ABI2: variants seen among roughly 807,000 people sequenced by gnomAD.
ABI2 encodes the protein abelson interactor 2.
In ABI2, 25 loss-of-function variants were observed where a neutral mutation model predicts 59.2. That is an observed-to-expected ratio of 0.42 (90% confidence interval 0.31 to 0.59). The LOEUF is 0.59. Ranked by LOEUF, ABI2 falls within the 20% of genes least tolerant of loss-of-function variation. The pLI is 0.14. For missense variants in ABI2, 545 were observed against 681.8 expected (o/e 0.80, Z 2.23); for synonymous variants, 213 against 235.5 (o/e 0.90, Z 0.87).
chr2:203,422,046 AGCACTTTAAGAGGCTGAGGCCGGC>A (rs1295267810), intron 11 of ABI2, among the ~76,000 whole-genome samples: 1 of 152,026 alleles, frequency 6.6e-6, no homozygotes, highest in African/African-American at 2.4e-5. Flanking sequence ...AGTGCTGTAA[AGCACTTTAAGAGGCTGAGGCCGGC>A]GGATTGCTTG....
intron 1 of ABI2, among the ~76,000 whole-genome samples, chr2:203,332,839 T>C (rs2074489810): frequency 6.6e-6 from 1 of 152,320 alleles, no homozygotes; most frequent in African/African-American, 2.4e-5. Flanking sequence ...TTTTTCTTTT[T>C]GTTAGATAAA....
intron 1 of ABI2, among the ~76,000 whole-genome samples, chr2:203,364,490 C>G (rs575103267): frequency 2.0e-5 from 3 of 152,114 alleles, no homozygotes; most frequent in African/African-American, 7.2e-5. Context: ...CTGACTTATC[C>G]GTAGAGCAGA....
At chr2:203,338,924 G>GTATATATATATATATATATATATA (rs2077725492) in intron 1 of ABI2, among the ~76,000 whole-genome samples, 1 of 89,248 alleles carries the variant, frequency 1.1e-5, no homozygotes, top group African/African-American at 6.8e-5. Context: ...GTGTGTGTGT[G>GTATATATATATATATATATATATA]TGTGTATATG....
chr2:203,371,023 C>G (rs1315600468), intron 2 of ABI2, among the ~76,000 whole-genome samples: 2 of 152,206 alleles, frequency 1.3e-5, no homozygotes, highest in Non-Finnish European at 2.9e-5. Flanking sequence ...AGGCTTTACC[C>G]TGACTCTTCT....
At chr2:203,390,475 A>G (rs2096701120) in intron 4 of ABI2, among the ~76,000 whole-genome samples, 1 of 152,134 alleles carries the variant, frequency 6.6e-6, no homozygotes, top group Non-Finnish European at 1.5e-5. Context: ...CTACTAAAAT[A>G]CAAAAAATTA....
chr2:203,413,431 A>G (rs538904834), intron 10 of ABI2, among the ~76,000 whole-genome samples: 1 of 152,344 alleles, frequency 6.6e-6, no homozygotes, highest in Admixed American at 6.5e-5. Context: ...TCACTTTAAG[A>G]CTTAGGAATG....
intron 10 of ABI2, among the ~76,000 whole-genome samples, chr2:203,412,697 A>G (rs547254089): frequency 1.3e-5 from 2 of 152,272 alleles, no homozygotes; most frequent in South Asian, 4.2e-4. Flanking sequence ...GCTCGAGGAG[A>G]AAACTGCCTC....
At chr2:203,370,166 C>T (rs766459773) in intron 2 of ABI2, among the ~76,000 whole-genome samples, 2 of 144,554 alleles carry the variant, frequency 1.4e-5, no homozygotes, top group Non-Finnish European at 3.0e-5. Context: ...TTGTGGGCTA[C>T]GTATGGTGTC....
At chr2:203,418,018 T>G (rs2097982124) in intron 11 of ABI2, among the ~76,000 whole-genome samples, 1 of 152,078 alleles carries the variant, frequency 6.6e-6, no homozygotes, top group South Asian at 2.1e-4. Flanking sequence ...AAACACATGC[T>G]GCAGAAGAAA....
intron 1 of ABI2, among the ~76,000 whole-genome samples, chr2:203,349,648 G>A (rs1028826465): frequency 2.0e-5 from 3 of 151,216 alleles, no homozygotes; most frequent in East Asian, 3.9e-4. Context: ...CAGGTGATCC[G>A]CCTGCCTTGG....
rs540901742 is a variant in ABI2, at chr2:203,431,970, G to A, written c.*4618G>A. On this transcript the variant is annotated 3_prime_UTR_variant, in exon 12 of 12. Transcript: ENST00000261018. The stretch of plus-strand genomic sequence containing the variant: ...CCAGTTGTACTTTTAGCTCCCAGAG[G>A]GAGAGTTGGTGGTATTATGAGTTGA... 2 of 152,250 alleles carry A rather than the reference G, an allele frequency of 1.3e-5. No individual in the cohort carries two copies. The highest frequency in any genetic ancestry group is 4.2e-4 in the South Asian group (2 of 4,814). The allele number at this position is 152,250 out of a possible 1,614,324, so 9.4% of individuals were successfully genotyped here.
chr2:203,417,715 G>A (rs2097959641), intron 11 of ABI2, among the ~76,000 whole-genome samples: 1 of 152,282 alleles, frequency 6.6e-6, no homozygotes, highest in East Asian at 1.9e-4. Context: ...ATCACTTGGA[G>A]AGCTTTTATA....
At chr2:203,388,522 A>C (rs2096620539) in intron 4 of ABI2, among the ~76,000 whole-genome samples, 1 of 151,882 alleles carries the variant, frequency 6.6e-6, no homozygotes, top group Admixed American at 6.6e-5. Flanking sequence ...ATCTCTACTA[A>C]AAATACAAAA....
intron 11 of ABI2, among the ~76,000 whole-genome samples, chr2:203,424,851 G>A (rs1277045043): frequency 1.3e-5 from 2 of 152,084 alleles, no homozygotes; most frequent in Non-Finnish European, 2.9e-5. Context: ...CATGTTAAGT[G>A]TAAATTCTAT....
rs148405849 is a variant in ABI2, at chr2:203,394,801, G to C, written c.680G>C (p.Ser227Thr). The C allele has an allele frequency of 1.4e-5, 22 of 1,614,162 alleles. No homozygotes were observed. The highest frequency in any genetic ancestry group is 1.7e-5 in the Admixed American group (1 of 60,022). The stretch of plus-strand genomic sequence containing the variant: ...CGTAATATGGCTCCCTCGCAGCAGA[G>C]CCCTGTGAGGACAGCTTCTGTGAAT... ...PTRNMAPSQQ[S>T]PVRTASVNQR... The change falls in exon 6 of 12, where the codon AGC becomes ACC. Residue 227 changes from serine (S) to threonine (T), a missense_variant. By Grantham distance (58) the Ser-to-Thr change is moderately conservative. This residue lies in a region of ABI2 where 410 missense variants were observed against 435.6 expected (regional missense o/e 0.94). Coordinates refer to ENST00000261018, the MANE Select transcript of ABI2 (RefSeq NM_001375670.1).
intron 1 of ABI2, among the ~76,000 whole-genome samples, chr2:203,334,796 G>T (rs1367064269): frequency 6.6e-6 from 1 of 152,062 alleles, no homozygotes; most frequent in Non-Finnish European, 1.5e-5. Context: ...GAGTAGCTGG[G>T]ATTACAGGTG....
intron 5 of ABI2, among the ~76,000 whole-genome samples, chr2:203,393,103 T>C (rs992481534): frequency 2.0e-5 from 3 of 152,234 alleles, no homozygotes; most frequent in Admixed American, 1.3e-4. Flanking sequence ...TTGTACAATA[T>C]TGGCTCACTG....
chr2:203,406,121 T>C (rs1326446579), intron 9 of ABI2, among the ~76,000 whole-genome samples: 1 of 151,890 alleles, frequency 6.6e-6, no homozygotes, highest in Non-Finnish European at 1.5e-5. Context: ...AAGGAGGGGG[T>C]CATAGAAACA....
chr2:203,422,886 G>C (rs2098276835), intron 11 of ABI2, among the ~76,000 whole-genome samples: 1 of 152,174 alleles, frequency 6.6e-6, no homozygotes, highest in African/African-American at 2.4e-5. Context: ...CCTCAGGACA[G>C]GTTATAACAT....
Sources: gnomAD v4.1 joint callset for allele counts (sites outside exome capture counted in the v4.1 genomes callset) on GRCh38, gnomAD v4.1.1 for gene constraint, gnomAD v4.1.1 regional missense constraint, MANE v1.5 for transcripts, NCBI Gene and HGNC (gene_info 2026-07-23, HGNC 2026-07-21) for gene names.